AUTS2: variants seen among roughly 807,000 people sequenced by gnomAD.
The protein encoded by AUTS2 is autism susceptibility gene 2 protein.
AUTS2 carries 17 observed loss-of-function variants against 112.4 expected under a neutral mutation model. That is an observed-to-expected ratio of 0.15 (90% confidence interval 0.10 to 0.23). The LOEUF (loss-of-function observed/expected upper bound fraction) is 0.23. AUTS2 is among the 10% of genes least tolerant of loss of function. AUTS2 has a pLI of 1.00. For synonymous variants in AUTS2, 751 were observed against 702.7 expected (o/e 1.07, Z -1.09); for missense variants, 1,510 against 1,701.6 (o/e 0.89, Z 1.98).
At chr7:70,711,558 C>T (rs1351518599) in intron 6 of AUTS2, among the ~76,000 whole-genome samples, 2 of 152,190 alleles carry the variant, frequency 1.3e-5, no homozygotes, top group African/African-American at 2.4e-5. Flanking sequence ...CCATCAGTGT[C>T]GGAGCACAGA....
chr7:70,447,733 C>G (rs566688075), intron 5 of AUTS2, among the ~76,000 whole-genome samples: 45 of 152,280 alleles, frequency 3.0e-4, no homozygotes, highest in African/African-American at 9.4e-4. Context: ...AGGAAATGTT[C>G]AAAGAGTATT....
At chr7:70,107,476 T>G (rs1364839287) in intron 2 of AUTS2, among the ~76,000 whole-genome samples, 1 of 150,144 alleles carries the variant, frequency 6.7e-6, no homozygotes. Context: ...CCCGAGTAGC[T>G]GGGATTACAG....
At chr7:69,810,614 G>A (rs1790507303) in intron 1 of AUTS2, among the ~76,000 whole-genome samples, 1 of 152,138 alleles carries the variant, frequency 6.6e-6, no homozygotes. Context: ...TTGAGGGAAA[G>A]AGAGAGAAAG....
At chr7:70,183,477 T>A (rs1176059436) in intron 4 of AUTS2, among the ~76,000 whole-genome samples, 1 of 152,222 alleles carries the variant, frequency 6.6e-6, no homozygotes, top group Non-Finnish European at 1.5e-5. Context: ...CCCCCTCCCC[T>A]CATGGTTTTG....
At chr7:69,861,368 G>A (rs1209135037) in intron 1 of AUTS2, among the ~76,000 whole-genome samples, 1 of 152,104 alleles carries the variant, frequency 6.6e-6, no homozygotes, top group Non-Finnish European at 1.5e-5. Context: ...GAGGGACATG[G>A]TGCTCCCGTC....
chr7:69,813,245 A>G (rs1003572583), intron 1 of AUTS2, among the ~76,000 whole-genome samples: 1 of 152,146 alleles, frequency 6.6e-6, no homozygotes, highest in Non-Finnish European at 1.5e-5. Flanking sequence ...ATATAAACAC[A>G]TGGTTCATAC....
chr7:70,578,861 G>A (rs1390105201), intron 5 of AUTS2, among the ~76,000 whole-genome samples: 1 of 151,570 alleles, frequency 6.6e-6, no homozygotes, highest in Non-Finnish European at 1.5e-5. Context: ...AAACCAACAG[G>A]TCTAAGATGC....
chr7:69,667,590 A>G (rs1431796477), intron 1 of AUTS2, among the ~76,000 whole-genome samples: 1 of 152,130 alleles, frequency 6.6e-6, no homozygotes, highest in African/African-American at 2.4e-5. Context: ...TCCTGATCTC[A>G]GGTGATCTGC....
intron 1 of AUTS2, among the ~76,000 whole-genome samples, chr7:69,636,028 A>T (rs186004888): frequency 2.0e-5 from 3 of 152,342 alleles, no homozygotes; most frequent in Admixed American, 6.5e-5. Flanking sequence ...AACAATTTGC[A>T]TTCATCTTTG....
In AUTS2 at chr7:69,921,281, T is replaced by A. The variant is rs1291828522; in HGVS notation, c.522+21783T>A. ...TTTCCAAAGCAGGATGCATTGAGAT[T>A]GTCTGAAGAAATGTATGTCTTCTGG... On this transcript the variant is annotated intron_variant, in intron 2 of 18. Coordinates refer to ENST00000342771, the MANE Select transcript of AUTS2 (RefSeq NM_015570.4). Among the ~76,000 whole-genome samples, 3 of 152,046 alleles carry A rather than the reference T, an allele frequency of 2.0e-5. No individual in the cohort carries two copies. The East Asian group carries it at 5.8e-4, about 29-fold the overall frequency.
chr7:70,521,314 A>C (rs1435202967), intron 5 of AUTS2, among the ~76,000 whole-genome samples: 1 of 152,210 alleles, frequency 6.6e-6, no homozygotes, highest in Non-Finnish European at 1.5e-5. Flanking sequence ...GCCAAGAGGA[A>C]GAAAAATTGA....
At chr7:70,737,391 TG>T (rs1408581789) in intron 6 of AUTS2, among the ~76,000 whole-genome samples, 1 of 152,220 alleles carries the variant, frequency 6.6e-6, no homozygotes, top group African/African-American at 2.4e-5. Context: ...AGAATCAAAA[TG>T]GAAGAGAACC....
intron 1 of AUTS2, among the ~76,000 whole-genome samples, chr7:69,609,782 T>C (rs2851485): frequency 0.73 from 110,624 of 152,120 alleles, 40,263 homozygotes; most frequent in East Asian, 0.78. Flanking sequence ...AGGCATCTTG[T>C]CTGTTCATTG....
At chr7:69,820,640 GT>G (rs1190832154) in intron 1 of AUTS2, among the ~76,000 whole-genome samples, 1 of 152,244 alleles carries the variant, frequency 6.6e-6, no homozygotes, top group East Asian at 1.9e-4. Flanking sequence ...TGTCAATCAT[GT>G]GGGAAAGGGG....
intron 5 of AUTS2, among the ~76,000 whole-genome samples, chr7:70,544,620 G>C (rs1800693045): frequency 6.6e-6 from 1 of 152,158 alleles, no homozygotes; most frequent in African/African-American, 2.4e-5. Context: ...AAATCACACA[G>C]GCCTGCAGTT....
intron 4 of AUTS2, among the ~76,000 whole-genome samples, chr7:70,217,672 G>T (rs767491520): frequency 7.2e-5 from 11 of 152,170 alleles, no homozygotes; most frequent in Middle Eastern, 3.4e-3. Flanking sequence ...GATTAGCCAG[G>T]GCAGGAGAAG....
In AUTS2 at chr7:69,888,540, G is replaced by GATAGATATATATAT. The variant is rs1468555842; in HGVS notation, c.310-10743_310-10742insGATATATATATATA. On this transcript the variant is annotated intron_variant, in intron 1 of 18. Transcript: ENST00000342771. ...CTTAGGCCCCACCTCCAACATTGGG[G>GATAGATATATATAT]ATATATATATATATATATATATATA... 1.3e-4 allele frequency among the ~76,000 whole-genome samples: 13 copies of GATAGATATATATAT among 99,232 alleles called. 1 individual carries two copies. Among genetic ancestry groups the GATAGATATATATAT allele is most frequent in the African/African-American group, 5.5e-4 (13 of 23,456 alleles). The allele number at this position is 99,232 out of a possible 152,430, so 65.1% of individuals were successfully genotyped here.
chr7:70,752,678 C>A (rs542146157), intron 6 of AUTS2, among the ~76,000 whole-genome samples: 57 of 152,178 alleles, frequency 3.7e-4, no homozygotes, highest in African/African-American at 1.2e-3. Context: ...ATGAGTTTTT[C>A]CCCCGTATGA....
At position 70,349,217 on chromosome 7, in the gene AUTS2, G is replaced by A. The variant is rs191815333; in HGVS notation, c.661-86535G>A. On this transcript the variant is annotated intron_variant, in intron 4 of 18. Transcript: ENST00000342771. The stretch of plus-strand genomic sequence containing the variant: ...CTGCTCACAGACACTCCTCTTCCTG[G>A]GTCTAATTCAAGAGGGGTGACGTGC... Among the ~76,000 whole-genome samples, 19 of 152,236 alleles carry A rather than the reference G, an allele frequency of 1.2e-4. No individual in the cohort carries two copies. The East Asian group carries it at 3.5e-3, about 28-fold the overall frequency.
Sources: gnomAD v4.1 joint callset for allele counts (sites outside exome capture counted in the v4.1 genomes callset) on GRCh38, gnomAD v4.1.1 for gene constraint, MANE v1.5 for transcripts, NCBI Gene and HGNC (gene_info 2026-07-23, HGNC 2026-07-21) for gene names.